Variants in CARHSP1 observed in about 807,000 individuals in gnomAD.
CARHSP1 encodes calcium regulated heat stable protein 1.
A neutral mutation model predicts 12.5 loss-of-function variants in CARHSP1; 14 were observed. That is an observed-to-expected ratio of 1.12 (90% CI 0.74 to 1.75). CARHSP1 has a LOEUF of 1.75. Among genes scored for constraint, CARHSP1 ranks in the 40% most tolerant of loss-of-function variants. The pLI is 0.00. For synonymous variants in CARHSP1, 161 were observed against 82.0 expected, an observed-to-expected ratio of 1.96 and a Z score of -5.20; for missense variants, 343 against 201.6, an observed-to-expected ratio of 1.70 and a Z score of -4.25.
chr16:8,866,809 T>C (rs1250923777), intron 1 of CARHSP1, among the ~76,000 whole-genome samples: 2 of 152,042 alleles, frequency 1.3e-5, no homozygotes, highest in African/African-American at 2.4e-5. Context: ...GCTAAGGACC[T>C]GAAGCCAACA....
At chr16:8,866,003 G>C (rs935211606) in intron 1 of CARHSP1, among the ~76,000 whole-genome samples, 1 of 152,112 alleles carries the variant, frequency 6.6e-6, no homozygotes, top group Non-Finnish European at 1.5e-5. Flanking sequence ...ACCCAGGCTG[G>C]AGTTTGGTGG....
At chr16:8,863,355 G>A (rs947329189) in intron 1 of CARHSP1, among the ~76,000 whole-genome samples, 5 of 151,962 alleles carry the variant, frequency 3.3e-5, no homozygotes, top group African/African-American at 1.2e-4. Flanking sequence ...TCAAGCGATC[G>A]GCGCACCTTG....
intron 1 of CARHSP1, chr16:8,860,295 G>A (rs1450622780): frequency 1.0e-6 from 1 of 983,416 alleles, no homozygotes; most frequent in Non-Finnish European, 1.2e-6. Context: ...TTTCCACACA[G>A]CCCGGGTCAC....
chr16:8,858,205 G>A (rs1441946799), intron 3 of CARHSP1, 145 bp downstream of exon 3: 10 of 957,104 alleles, frequency 1.0e-5, no homozygotes, highest in Middle Eastern at 3.3e-4. Flanking sequence ...AGCACAGCTG[G>A]AGCACCAGCC....
chr16:8,862,203 C>A (rs1176139068), intron 1 of CARHSP1, among the ~76,000 whole-genome samples: 1 of 151,718 alleles, frequency 6.6e-6, no homozygotes, highest in Middle Eastern at 3.2e-3. Context: ...CTACCCCTTG[C>A]CTGCTGTGTG....
At chr16:8,862,938 C>A (rs556753905) in intron 1 of CARHSP1, among the ~76,000 whole-genome samples, 2 of 152,116 alleles carry the variant, frequency 1.3e-5, no homozygotes, top group African/African-American at 4.8e-5. Context: ...TCCACCCAAG[C>A]CCCCTCAACA....
chr16:8,858,328 C>A (rs1439304709), intron 3 of CARHSP1, 22 bp downstream of exon 3: 2 of 1,611,058 alleles, frequency 1.2e-6, no homozygotes, highest in Non-Finnish European at 8.5e-7. Flanking sequence ...AGCCAGGCCA[C>A]CCAGACCTGC....
intron 1 of CARHSP1, chr16:8,866,397 G>GA: frequency 3.1e-6 from 3 of 976,564 alleles, no homozygotes; most frequent in South Asian, 9.5e-5. Flanking sequence ...ATCGGGGTGA[G>GA]ACTCTAGCAG....
At chr16:8,865,506 A>G (rs1444697655) in intron 1 of CARHSP1, among the ~76,000 whole-genome samples, 1 of 152,238 alleles carries the variant, frequency 6.6e-6, no homozygotes, top group Admixed American at 6.5e-5. Flanking sequence ...CACTCTTGGC[A>G]AAGCGAGAAC....
At chr16:8,860,368 AGGGCGGGAATTCCCTAGCTGCTGCT>A (rs1474314270) in intron 1 of CARHSP1, 1 of 985,330 alleles carries the variant, frequency 1.0e-6, no homozygotes, top group Non-Finnish European at 1.2e-6. Flanking sequence ...ATCCAGCTGG[AGGGCGGGAATTCCCTAGCTGCTGCT>A]GTGCTTTTGA....
rs72768255 is a variant in CARHSP1 at position 8,864,507 on chromosome 16, G to T, written c.-8+4459C>A. On this transcript the variant is annotated intron_variant, in intron 1 of 3. Coordinates refer to ENST00000311052, the MANE Select transcript of CARHSP1 (RefSeq NM_014316.4). Reference sequence around the variant, plus strand: ...CATTCTATCCCCATTTCACTAATGGGAGAACGGAGACACAAAGAGTCAAGT... The same window carrying T: ...CATTCTATCCCCATTTCACTAATGGTAGAACGGAGACACAAAGAGTCAAGT... 9.3e-3 allele frequency among the ~76,000 whole-genome samples: 1,418 copies of T among 152,360 alleles called. 9 individuals carry two copies. The highest frequency in any genetic ancestry group is 0.017 in the Non-Finnish European group (1,133 of 68,040).
intron 2 of CARHSP1, chr16:8,858,793 C>G (rs547726649): frequency 2.7e-4 from 114 of 426,438 alleles, no homozygotes; most frequent in Non-Finnish European, 3.0e-4. Context: ...CCTCCACTCG[C>G]AAGGCCTGAG....
At chr16:8,862,285 C>T (rs999822768) in intron 1 of CARHSP1, among the ~76,000 whole-genome samples, 4 of 151,952 alleles carry the variant, frequency 2.6e-5, no homozygotes, top group Admixed American at 6.6e-5. Flanking sequence ...ATAATAGTCC[C>T]GATTTCACAC....
Position 8,854,920 on chromosome 16 carries a change from T to C in CARHSP1, c.*244A>G, listed in dbSNP as rs111581440. On this transcript the variant is annotated 3_prime_UTR_variant, in exon 4 of 4. Transcript: ENST00000311052. ...GCCACCAGTGGGCACCTCTCCTTTT[T>C]AAATGCTTTTAATGCTCTTCAGATG... is the stretch of plus-strand genomic sequence containing the variant. 7.6e-5 allele frequency: 27 copies of C among 354,760 alleles called. No homozygotes were observed. The highest frequency in any genetic ancestry group is 1.3e-4 in the Non-Finnish European group (25 of 198,414). The allele number at this position is 354,760 out of a possible 1,614,324, so 22.0% of individuals were successfully genotyped here.
At chr16:8,862,021 T>TTTTTTTTTTTTTTTG (rs2061372009) in intron 1 of CARHSP1, among the ~76,000 whole-genome samples, 1 of 137,982 alleles carries the variant, frequency 7.2e-6, no homozygotes, top group African/African-American at 2.7e-5. Context: ...TTTTTTTAAT[T>TTTTTTTTTTTTTTTG]TGAGATGGAG....
rs990110233 is a variant in CARHSP1 at position 8,855,007 on chromosome 16, A to G, written c.*157T>C. ...TGGCCGGGAACACCCCACACCCCAC[A>G]CCTGCCCCCCATACCCCTTCCTCCA... On this transcript the variant is annotated 3_prime_UTR_variant, in exon 4 of 4. Coordinates refer to ENST00000311052, the MANE Select transcript of CARHSP1 (RefSeq NM_014316.4). 28 of 482,836 alleles carry G rather than the reference A, an allele frequency of 5.8e-5. No individual in the cohort carries two copies. Among genetic ancestry groups the G allele is most frequent in the Middle Eastern group, 5.8e-4 (1 of 1,738 alleles). The allele number at this position is 482,836 out of a possible 1,614,324, so 29.9% of individuals were successfully genotyped here. A position where few individuals can be genotyped will look rare whatever the true frequency, so the allele number is the denominator to read the frequency against.
At chr16:8,862,576 G>A (rs532239908) in intron 1 of CARHSP1, among the ~76,000 whole-genome samples, 1 of 152,308 alleles carries the variant, frequency 6.6e-6, no homozygotes, top group East Asian at 1.9e-4. Context: ...GGGGAGAAGG[G>A]TGGGAATACA....
intron 1 of CARHSP1, chr16:8,861,669 C>A (rs1396710469): frequency 2.0e-5 from 26 of 1,289,020 alleles, no homozygotes; most frequent in Non-Finnish European, 2.6e-5. Context: ...ATCCTACCTC[C>A]TGTCCCTTCT....
Position 8,857,394 on chromosome 16 carries a change from T to TGCCTTAGCCTCCGAAGTA in CARHSP1, c.281+938_281+955dup, listed in dbSNP as rs1372525212. 4 of 144,344 alleles carry TGCCTTAGCCTCCGAAGTA rather than the reference T, an allele frequency of 2.8e-5. No homozygotes were observed. The Admixed American group carries it at 2.8e-4, about 10-fold the overall frequency. The allele number at this position is 144,344 out of a possible 1,614,324, so 8.9% of individuals were successfully genotyped here. A position where few individuals can be genotyped will look rare whatever the true frequency, so the allele number is the denominator to read the frequency against. Reference sequence around the variant, plus strand: ...ACCTCCTGGGTTCAAGTGATTCTCCTGCCTTAGCCTCCGAAGTAGCTGGGA... The same window carrying TGCCTTAGCCTCCGAAGTA: ...ACCTCCTGGGTTCAAGTGATTCTCCTGCCTTAGCCTCCGAAGTAGCCTTAGCCTCCGAAGTAGCTGGGA... On this transcript the variant is annotated intron_variant, in intron 3 of 3. Transcript: ENST00000311052.
Sources: gnomAD v4.1 joint callset for allele counts (sites outside exome capture counted in the v4.1 genomes callset) on GRCh38, gnomAD v4.1.1 for gene constraint, MANE v1.5 for transcripts, NCBI Gene and HGNC (gene_info 2026-07-23, HGNC 2026-07-21) for gene names.